UBAC2: variants seen among roughly 807,000 people sequenced by gnomAD.
UBAC2 encodes UBA domain containing 2, also known as ubiquitin-associated domain-containing protein 2.
Under a neutral mutation model 44.0 loss-of-function variants are expected in UBAC2, and 26 were observed. The ratio of observed to expected loss-of-function variants is 0.59; its 90% CI spans 0.43 to 0.82. UBAC2 has a LOEUF of 0.82. Among genes scored for constraint, UBAC2 ranks in the 40% least tolerant of loss-of-function variants. The pLI is 0.00. For synonymous variants in UBAC2, 155 were observed against 154.3 expected, an observed-to-expected ratio of 1.00 and a Z score of -0.04; for missense variants, 329 against 419.4, an observed-to-expected ratio of 0.78 and a Z score of 1.88.
chr13:99,361,619 A>G (rs2045265811), intron 7 of UBAC2, among the ~76,000 whole-genome samples: 1 of 152,162 alleles, frequency 6.6e-6, no homozygotes, highest in African/African-American at 2.4e-5. Context: ...CACCATTGAC[A>G]TTTTGATCCA....
In UBAC2 at chr13:99,295,252, G is replaced by A. The variant is rs2044151591; in HGVS notation, c.390-18845G>A. 1.2e-6 allele frequency: 2 copies of A among 1,614,080 alleles called. No homozygotes were observed. The highest frequency in any genetic ancestry group is 1.7e-6 in the Non-Finnish European group (2 of 1,179,982). ...TAAAAGGGTCCATGCAGCAATTGAA[G>A]TTCATCAGGCATACTGTAAAGTGCA... On this transcript the variant is annotated intron_variant, in intron 4 of 8. Transcript: ENST00000403766. The surrounding 1 kb of genome is among the most constrained non-coding windows in gnomAD (Gnocchi z 4.1).
rs139755385 is a variant in UBAC2 at position 99,385,308 on chromosome 13, C to T, written c.1008C>T (p.Val336=). 57 of 1,614,072 alleles carry T rather than the reference C, an allele frequency of 3.5e-5. No homozygotes were observed. The highest frequency in any genetic ancestry group is 2.2e-4 in the East Asian group (10 of 44,876). Reference sequence around the variant, plus strand: ...GAGCTTCAAACAATGACCTCAATGTCGCCACCAACTTCCTGCTGCAGCACT... The same window carrying T: ...GAGCTTCAAACAATGACCTCAATGTTGCCACCAACTTCCTGCTGCAGCACT... ...ALRASNNDLN[V]ATNFLLQH The change falls in exon 9 of 9, where the codon GTC becomes GTT. Residue 336 remains valine, a synonymous_variant. Transcript: ENST00000403766.
intron 2 of UBAC2, 46 bp from the exon 3 acceptor site, chr13:99,243,786 A>T: frequency 6.5e-7 from 1 of 1,534,926 alleles, no homozygotes; most frequent in South Asian, 1.2e-5. Flanking sequence ...AGAGACCCGA[A>T]CAAATTTTAC....
intron 8 of UBAC2, among the ~76,000 whole-genome samples, chr13:99,372,923 G>A (rs1426998662): frequency 6.6e-6 from 1 of 152,112 alleles, no homozygotes; most frequent in Non-Finnish European, 1.5e-5. Flanking sequence ...GACCATCCCG[G>A]CTAGCATGGT....
intron 6 of UBAC2, among the ~76,000 whole-genome samples, chr13:99,333,185 A>G (rs1444645107): frequency 2.0e-5 from 3 of 152,254 alleles, no homozygotes; most frequent in African/African-American, 4.8e-5. Flanking sequence ...GATGCTCTCT[A>G]AAAGCTTTTG....
At chr13:99,253,559 G>T (rs1415640613) in intron 4 of UBAC2, among the ~76,000 whole-genome samples, 8 of 151,940 alleles carry the variant, frequency 5.3e-5, no homozygotes, top group Admixed American at 4.6e-4. Flanking sequence ...TGTCACCCAG[G>T]CTGGAGTGCA....
intron 7 of UBAC2, among the ~76,000 whole-genome samples, chr13:99,358,222 G>A (rs144996530): frequency 5.3e-4 from 81 of 152,296 alleles, no homozygotes; most frequent in African/African-American, 1.5e-3. Flanking sequence ...AATTTCTGTC[G>A]GATTCTGAAA....
chr13:99,238,243 G>A (rs2043261455), intron 1 of UBAC2, among the ~76,000 whole-genome samples, 184 bp from the exon 2 acceptor site: 2 of 152,162 alleles, frequency 1.3e-5, no homozygotes, highest in South Asian at 4.1e-4. Context: ...TGTTTCCAGT[G>A]TCTTTTGATC....
intron 4 of UBAC2, among the ~76,000 whole-genome samples, chr13:99,312,599 G>T (rs1566497511): frequency 6.6e-6 from 1 of 152,196 alleles, no homozygotes; most frequent in African/African-American, 2.4e-5. Context: ...ATTCATTGCA[G>T]TGGTGAAACT....
chr13:99,267,651 G>A (rs9554579), intron 4 of UBAC2, among the ~76,000 whole-genome samples: 69,893 of 152,028 alleles, frequency 0.46, 16,234 homozygotes, highest in Middle Eastern at 0.52. Context: ...TGCTCTGAAA[G>A]GTATCTGCCT....
chr13:99,354,147 A>G (rs1170854175), intron 7 of UBAC2, among the ~76,000 whole-genome samples: 3 of 152,234 alleles, frequency 2.0e-5, no homozygotes, highest in Non-Finnish European at 4.4e-5. Flanking sequence ...TCACGTGGAC[A>G]CTGTCCACAA....
intron 7 of UBAC2, among the ~76,000 whole-genome samples, chr13:99,363,172 C>T (rs888400031): frequency 6.6e-6 from 1 of 152,194 alleles, no homozygotes; most frequent in East Asian, 1.9e-4. Context: ...CTGTTGATTC[C>T]TAGACTCTGT....
At chr13:99,346,290 C>G (rs1194824402) in intron 7 of UBAC2, among the ~76,000 whole-genome samples, 1 of 152,174 alleles carries the variant, frequency 6.6e-6, no homozygotes, top group East Asian at 1.9e-4. Flanking sequence ...TTTCTTCCCT[C>G]CCATCTCCAT....
chr13:99,325,743 T>C (rs1161520399), intron 6 of UBAC2, among the ~76,000 whole-genome samples: 1 of 152,216 alleles, frequency 6.6e-6, no homozygotes, highest in Non-Finnish European at 1.5e-5. Flanking sequence ...TCTGATTCTG[T>C]GAAATTGACT....
chr13:99,242,652 C>A (rs2043324745), intron 2 of UBAC2, among the ~76,000 whole-genome samples: 2 of 106,544 alleles, frequency 1.9e-5, no homozygotes, highest in Non-Finnish European at 3.9e-5. Context: ...CCACCTCCCT[C>A]CCGGACGGGG....
intron 2 of UBAC2, among the ~76,000 whole-genome samples, chr13:99,242,047 G>A (rs2043307890): frequency 1.3e-5 from 2 of 150,994 alleles, no homozygotes; most frequent in South Asian, 4.2e-4. Context: ...AGAGCACAGG[G>A]TTGGGGGTAA....
intron 1 of UBAC2, among the ~76,000 whole-genome samples, chr13:99,225,489 T>A (rs1352044605): frequency 6.6e-6 from 1 of 152,250 alleles, no homozygotes; most frequent in Admixed American, 6.5e-5. Context: ...CCAGTTTCCT[T>A]CCTTTTTAAG....
At chr13:99,225,155 T>C (rs1441804580) in intron 1 of UBAC2, among the ~76,000 whole-genome samples, 2 of 152,218 alleles carry the variant, frequency 1.3e-5, no homozygotes, top group African/African-American at 2.4e-5. Flanking sequence ...TGTGGTAAAA[T>C]GTACATAATA....
At chr13:99,253,979 A>G (rs1393931390) in intron 4 of UBAC2, among the ~76,000 whole-genome samples, 1 of 152,204 alleles carries the variant, frequency 6.6e-6, no homozygotes, top group African/African-American at 2.4e-5. Context: ...ATTATAGTTC[A>G]GTTTTTTTCT....
Sources: gnomAD v4.1 joint callset for allele counts (sites outside exome capture counted in the v4.1 genomes callset) on GRCh38, gnomAD v4.1.1 for gene constraint, Gnocchi (gnomAD v3.1) non-coding constraint, MANE v1.5 for transcripts, NCBI Gene and HGNC (gene_info 2026-07-23, HGNC 2026-07-21) for gene names.